PRKD1: variants seen among roughly 807,000 people sequenced by gnomAD.
PRKD1 encodes protein kinase D1.
In PRKD1, 63 loss-of-function variants were observed where a neutral mutation model predicts 95.9. The observed-to-expected ratio is 0.66, with a 90% CI of 0.54 to 0.81. PRKD1 has a LOEUF of 0.81. Among genes scored for constraint, PRKD1 ranks in the 30% least tolerant of loss-of-function variants. The pLI is 0.00. For missense variants in PRKD1, 1,048 were observed against 1,165.3 expected (o/e 0.90, Z 1.47); for synonymous variants, 425 against 423.1 (o/e 1.00, Z -0.05).
At chr14:29,747,547 C>T (rs1259039819) in intron 1 of PRKD1, among the ~76,000 whole-genome samples, 1 of 151,876 alleles carries the variant, frequency 6.6e-6, no homozygotes, top group Admixed American at 6.6e-5. Flanking sequence ...AGAAATAGCC[C>T]AAATGTCCAT....
chr14:29,876,546 A>C (rs1455966750), intron 1 of PRKD1, among the ~76,000 whole-genome samples: 1 of 152,174 alleles, frequency 6.6e-6, no homozygotes, highest in African/African-American at 2.4e-5. Flanking sequence ...AAAGGAAAAA[A>C]TAGACAAACA....
At chr14:29,894,482 T>C (rs1383398140) in intron 1 of PRKD1, among the ~76,000 whole-genome samples, 2 of 152,176 alleles carry the variant, frequency 1.3e-5, no homozygotes, top group African/African-American at 4.8e-5. Flanking sequence ...GATGGGGACA[T>C]ATGGAGAATA....
intron 2 of PRKD1, among the ~76,000 whole-genome samples, chr14:29,700,780 C>T (rs1443900477): frequency 2.6e-5 from 4 of 152,102 alleles, no homozygotes; most frequent in African/African-American, 7.2e-5. Context: ...AAAGACTGAC[C>T]TCCCCTGAAG....
chr14:29,856,415 C>A (rs2139349466), intron 1 of PRKD1, among the ~76,000 whole-genome samples: 1 of 152,152 alleles, frequency 6.6e-6, no homozygotes, highest in South Asian at 2.1e-4. Context: ...GGTCCCCAAG[C>A]AGAACAAAAA....
chr14:29,798,819 C>G (rs1176455276), intron 1 of PRKD1, among the ~76,000 whole-genome samples: 2 of 152,174 alleles, frequency 1.3e-5, no homozygotes, highest in Admixed American at 6.5e-5. Flanking sequence ...TGGAGGAAAT[C>G]TTGATTCACA....
chr14:29,720,625 C>A (rs1011613895), intron 2 of PRKD1, among the ~76,000 whole-genome samples: 3 of 151,550 alleles, frequency 2.0e-5, no homozygotes, highest in African/African-American at 7.3e-5. Context: ...ACTAAAAATA[C>A]AAAAATTAGC....
At chr14:29,873,369 G>A (rs1056108484) in intron 1 of PRKD1, among the ~76,000 whole-genome samples, 13 of 152,212 alleles carry the variant, frequency 8.5e-5, no homozygotes, top group Non-Finnish European at 1.6e-4. Flanking sequence ...TTACAGGCAT[G>A]AGCCACTGCG....
chr14:29,926,507 T>C (rs887092550), intron 1 of PRKD1, among the ~76,000 whole-genome samples: 5 of 152,138 alleles, frequency 3.3e-5, no homozygotes, highest in African/African-American at 1.2e-4. Context: ...ATGACCCTTC[T>C]AACCTGCCTT....
At chr14:29,615,645 C>T (rs1402215639) in intron 13 of PRKD1, among the ~76,000 whole-genome samples, 1 of 152,172 alleles carries the variant, frequency 6.6e-6, no homozygotes, top group African/African-American at 2.4e-5. Context: ...GCTTCCACAG[C>T]GATTCTGACT....
intron 1 of PRKD1, among the ~76,000 whole-genome samples, chr14:29,804,387 C>T (rs573898713): frequency 6.6e-6 from 1 of 152,164 alleles, no homozygotes; most frequent in South Asian, 2.1e-4. Flanking sequence ...GACACTGATA[C>T]CAAGAATCAT....
chr14:29,689,519 T>C lies in PRKD1; in HGVS notation c.404-23311A>G, dbSNP rs912071177. On this transcript the variant is annotated intron_variant, in intron 2 of 17. Coordinates refer to ENST00000331968, the MANE Select transcript of PRKD1 (RefSeq NM_002742.3). ...AGAAAAAGGAACACTTTTACACTAT[T>C]AGTAGAAATATAAATTAGTTCAGCC... 3.3e-5 allele frequency among the ~76,000 whole-genome samples: 5 copies of C among 152,144 alleles called. No individual in the cohort carries two copies. The East Asian group carries it at 7.7e-4, about 23-fold the overall frequency.
At chr14:29,844,718 C>A (rs1426904467) in intron 1 of PRKD1, among the ~76,000 whole-genome samples, 2 of 152,136 alleles carry the variant, frequency 1.3e-5, no homozygotes, top group Non-Finnish European at 2.9e-5. Context: ...GTAGTTTAAT[C>A]AATACGGAAG....
rs568198444 is a variant in PRKD1, at chr14:29,742,529, G to T, written c.265-16855C>A. Among the ~76,000 whole-genome samples, 8 of 152,090 alleles carry T rather than the reference G, an allele frequency of 5.3e-5. 1 individual carries two copies. The highest frequency in any genetic ancestry group is 5.2e-4 in the Admixed American group (8 of 15,282). On this transcript the variant is annotated intron_variant, in intron 1 of 17. Coordinates refer to ENST00000331968, the MANE Select transcript of PRKD1 (RefSeq NM_002742.3). ...ATGGTCTGTTGCTGTCTCTCTTAAA[G>T]GCAGATATAATTTACAAAGACTAAA... is the stretch of plus-strand genomic sequence containing the variant.
chr14:29,613,649 A>C (rs1456816944), intron 13 of PRKD1, among the ~76,000 whole-genome samples: 2 of 152,204 alleles, frequency 1.3e-5, no homozygotes, highest in Non-Finnish European at 2.9e-5. Flanking sequence ...GTAATACATA[A>C]ACCCAAAATG....
At chr14:29,752,857 T>A (rs1430293214) in intron 1 of PRKD1, among the ~76,000 whole-genome samples, 1 of 152,122 alleles carries the variant, frequency 6.6e-6, no homozygotes, top group African/African-American at 2.4e-5. Flanking sequence ...TAACCTTTAC[T>A]TTCTGTTGCT....
intron 1 of PRKD1, among the ~76,000 whole-genome samples, chr14:29,750,181 A>T (rs886905690): frequency 2.6e-5 from 4 of 152,194 alleles, no homozygotes; most frequent in Admixed American, 2.6e-4. Context: ...AAATTTGTTT[A>T]AAAAAATCAA....
chr14:29,850,896 T>TAA (rs60982997), intron 1 of PRKD1, among the ~76,000 whole-genome samples: 21 of 140,182 alleles, frequency 1.5e-4, no homozygotes, highest in African/African-American at 4.7e-4. Context: ...AAAAAAAAAT[T>TAA]AAAAAAAAAA....
chr14:29,730,666 T>C lies in PRKD1; in HGVS notation c.265-4992A>G, dbSNP rs1886387002. On this transcript the variant is annotated intron_variant, in intron 1 of 17. Coordinates refer to ENST00000331968, the MANE Select transcript of PRKD1 (RefSeq NM_002742.3). ...AAATATATATAGAAAATGTGGTGTA[T>C]TGATACAGAATGGAATACCACTCAA... Among the ~76,000 whole-genome samples, 6 of 152,242 alleles carry C rather than the reference T, an allele frequency of 3.9e-5. No individual in the cohort carries two copies. The South Asian group carries it at 1.2e-3, about 32-fold the overall frequency.
intron 1 of PRKD1, among the ~76,000 whole-genome samples, chr14:29,754,591 TATTG>T (rs1042652792): frequency 5.3e-5 from 8 of 152,164 alleles, no homozygotes; most frequent in Admixed American, 1.3e-4. Context: ...ATCTGTTCTC[TATTG>T]ATTATGGTTT....
Sources: allele counts gnomAD v4.1 joint callset (sites outside exome capture counted in the v4.1 genomes callset), GRCh38; gene constraint gnomAD v4.1.1; transcripts MANE v1.5; gene names NCBI Gene and HGNC (gene_info 2026-07-23, HGNC 2026-07-21).